The following CTDSP1 variants were observed in gnomAD, a reference collection of about 807,000 sequenced individuals.
The protein encoded by CTDSP1 is carboxy-terminal domain RNA polymerase II polypeptide A small phosphatase 1.
In CTDSP1, 15 loss-of-function variants were observed where a neutral mutation model predicts 32.5. That is an observed-to-expected ratio of 0.46 (90% confidence interval 0.31 to 0.71). The LOEUF (loss-of-function observed/expected upper bound fraction) is 0.71, where lower values mean the gene tolerates loss of function less well. Among genes scored for constraint, CTDSP1 ranks in the 30% least tolerant of loss-of-function variants. The pLI, the probability that CTDSP1 is intolerant of heterozygous loss-of-function variation, is 0.05. For missense variants in CTDSP1, 294 were observed against 351.1 expected, an observed-to-expected ratio of 0.84 and a Z score of 1.30; for synonymous variants, 185 against 145.4, an observed-to-expected ratio of 1.27 and a Z score of -1.96.
In CTDSP1 at chr2:218,401,594, C is replaced by T; in HGVS notation, c.98C>T (p.Pro33Leu). 1 of 1,613,922 alleles carries T rather than the reference C, an allele frequency of 6.2e-7. No individual in the cohort carries two copies. The highest frequency in any genetic ancestry group is 8.5e-7 in the Non-Finnish European group (1 of 1,179,944). The change falls in exon 2 of 7, where the codon CCC (proline) becomes CTC (leucine). Residue 33 changes from proline (P) to leucine (L), a missense_variant. By Grantham distance (98) the Pro-to-Leu change is moderately conservative (BLOSUM62 -3). Coordinates refer to ENST00000273062, the MANE Select transcript of CTDSP1 (RefSeq NM_021198.3). ...GDQKSAASQK[P>L]RSRGILHSLF... is the part of the protein sequence containing the mutation. ...CAGAAGTCAGCAGCTTCCCAGAAGC[C>T]CCGAAGCCGGGGCATCCTCCACTCA...
At chr2:218,398,349 G>A (rs1042947042), upstream of CTDSP1, 52 of 1,434,782 alleles carry the variant, frequency 3.6e-5, no homozygotes, top group Admixed American at 9.8e-5. Flanking sequence ...GAGATTAGGG[G>A]GCGCAGCCAG....
At position 218,403,210 on chromosome 2, in the gene CTDSP1, A is replaced by G. The variant is rs772562703; in HGVS notation, c.472-22A>G. ...GCCCAATGAACCTGCGGGCCCCAGG[A>G]TGACCCACCTCCTGCTCCCAGTACG... On this transcript the variant is annotated intron_variant, in intron 5 of 6. Transcript: ENST00000273062. 8.1e-6 allele frequency: 13 copies of G among 1,611,394 alleles called. No homozygotes were observed. The South Asian group carries it at 1.4e-4, about 18-fold the overall frequency.
At position 218,404,832 on chromosome 2, in the gene CTDSP1, A is replaced by G. The variant is rs146891368; in HGVS notation, c.*407A>G. ...ACGGTGGACATCAAGTGCCTTGCAT[A>G]GAGCCCCCTCTTCCCCGCCCAGCTT... On this transcript the variant is annotated 3_prime_UTR_variant, in exon 7 of 7. Transcript: ENST00000273062. 554 of 167,778 alleles carry G rather than the reference A, an allele frequency of 3.3e-3. 2 individuals are homozygous for G. Among genetic ancestry groups the G allele is most frequent in the African/African-American group, 0.012 (489 of 42,000 alleles). The allele number at this position is 167,778 out of a possible 1,614,324, so 10.4% of individuals were successfully genotyped here. A position where few individuals can be genotyped will look rare whatever the true frequency, so the allele number is the denominator to read the frequency against.
upstream of CTDSP1, chr2:218,398,955 A>C (rs2106349623): frequency 6.6e-6 from 1 of 152,290 alleles, no homozygotes; most frequent in Non-Finnish European, 1.5e-5. Context: ...CTCTGGTTTG[A>C]GGTCCCCCAC....
chr2:218,400,045 G>A lies in CTDSP1; in HGVS notation c.-46G>A. On this transcript the variant is annotated 5_prime_UTR_variant, in exon 1 of 7. Coordinates refer to ENST00000273062, the MANE Select transcript of CTDSP1 (RefSeq NM_021198.3). ...TCCGGCCCCAGCCGGGGGGGAGGCCGGGCGCCCGGGCCAGAGTCCGGCCGG... is the reference window on the plus strand; with the variant it reads ...TCCGGCCCCAGCCGGGGGGGAGGCCAGGCGCCCGGGCCAGAGTCCGGCCGG... 8.0e-7 allele frequency: 1 copy of A among 1,248,990 alleles called. No homozygotes were observed. Among genetic ancestry groups the A allele is most frequent in the South Asian group, 1.9e-5 (1 of 52,832 alleles). The allele number at this position is 1,248,990 out of a possible 1,614,324, so 77.4% of individuals were successfully genotyped here.
At chr2:218,403,586 C>CTG (rs1328999230) in intron 6 of CTDSP1, 169 bp downstream of exon 6, 1 of 607,314 alleles carries the variant, frequency 1.6e-6, no homozygotes, top group African/African-American at 1.9e-5. Context: ...TCCACCTGCC[C>CTG]TGTAGCCATA....
chr2:218,396,422 C>A (rs1323972138), upstream of CTDSP1: 1 of 152,448 alleles, frequency 6.6e-6, no homozygotes, highest in Non-Finnish European at 1.5e-5. Flanking sequence ...ACAGGCCTTT[C>A]CCTAGAGTTG....
chr2:218,403,276 C>G lies in CTDSP1; in HGVS notation c.516C>G (p.Phe172Leu). ...ACCTGCTGGACAAATGGGGGGCCTTCCGGGCCCGGCTGTTTCGAGAGTCCT... is the reference window on the plus strand; with the variant it reads ...ACCTGCTGGACAAATGGGGGGCCTTGCGGGCCCGGCTGTTTCGAGAGTCCT... ...VADLLDKWGA[F>L]RARLFRESCV... The change falls in exon 6 of 7, where the codon TTC becomes TTG. Residue 172 changes from phenylalanine (F) to leucine (L), a missense_variant. By Grantham distance (22) the Phe-to-Leu change is conservative. Coordinates refer to ENST00000273062, the MANE Select transcript of CTDSP1 (RefSeq NM_021198.3). 1 of 1,613,858 alleles carries G rather than the reference C, an allele frequency of 6.2e-7. No individual in the cohort carries two copies. The highest frequency in any genetic ancestry group is 8.5e-7 in the Non-Finnish European group (1 of 1,179,838).
chr2:218,403,990 G>A (rs1375398732), intron 6 of CTDSP1, among the ~76,000 whole-genome samples: 1 of 152,172 alleles, frequency 6.6e-6, no homozygotes, highest in Non-Finnish European at 1.5e-5. Context: ...AGCCCTGGAG[G>A]CAGAGGCTGT....
In CTDSP1 at chr2:218,402,379, G is replaced by A. The variant is rs779217801; in HGVS notation, c.352G>A (p.Val118Met). The stretch of plus-strand genomic sequence containing the variant: ...GAACAACGCGGACTTCATCATCCCT[G>A]TGGAGATTGATGGGGTGGTCCACCA... ...PVNNADFIIP[V>M]EIDGVVHQVY... The change falls in exon 4 of 7, where the codon GTG becomes ATG. Residue 118 changes from valine (V) to methionine (M), a missense_variant. Transcript: ENST00000273062. 6.2e-7 allele frequency: 1 copy of A among 1,612,406 alleles called. No homozygotes were observed. Among genetic ancestry groups the A allele is most frequent in the East Asian group, 2.2e-5 (1 of 44,886 alleles).
intron 1 of CTDSP1, 168 bp downstream of exon 1, chr2:218,400,325 G>A (rs1327280108): frequency 1.4e-6 from 1 of 738,916 alleles, no homozygotes; most frequent in Non-Finnish European, 2.3e-6. Flanking sequence ...CTCAGAGGAG[G>A]CTCAGAGACG....
intron 4 of CTDSP1, chr2:218,402,785 C>T: frequency 2.8e-6 from 2 of 712,796 alleles, no homozygotes; most frequent in South Asian, 1.5e-5. Flanking sequence ...GAGGTTGAGG[C>T]AGGGGAAGGG....
At chr2:218,402,006 C>T (rs1697169309) in intron 2 of CTDSP1, 105 bp from the exon 3 acceptor site, 11 of 822,656 alleles carry the variant, frequency 1.3e-5, no homozygotes, top group Non-Finnish European at 2.2e-5. Flanking sequence ...GTATCTGTTC[C>T]TGGGGCCTGG....
chr2:218,401,904 T>C (rs1372062330), intron 2 of CTDSP1, among the ~76,000 whole-genome samples, 192 bp downstream of exon 2: 1 of 152,140 alleles, frequency 6.6e-6, no homozygotes, highest in Non-Finnish European at 1.5e-5. Flanking sequence ...AAGTGGAAGC[T>C]TTTTCCTACC....
chr2:218,403,320 A>G lies in CTDSP1; in HGVS notation c.560A>G (p.Asn187Ser), dbSNP rs1265619079. The change falls in exon 6 of 7, where the codon AAC (asparagine) becomes AGC (serine). Residue 187 changes from asparagine (N) to serine (S), a missense_variant. Asn to Ser is a conservative substitution (Grantham distance 46). Around this residue, in one of 2 missense-constraint regions of CTDSP1, gnomAD observed 146 missense variants for 237.7 expected, o/e 0.61. Transcript: ENST00000273062. ...GAGTCCTGCGTCTTCCACCGGGGGA[A>G]CTACGTGAAGGACCTGAGCCGGTTG... ...FRESCVFHRG[N>S]YVKDLSRLGR... The G allele has an allele frequency of 5.6e-6, 9 of 1,614,176 alleles. No individual in the cohort carries two copies. Among genetic ancestry groups the G allele is most frequent in the Non-Finnish European group, 6.8e-6 (8 of 1,180,018 alleles).
chr2:218,397,243 G>A (rs973486805), upstream of CTDSP1, among the ~76,000 whole-genome samples: 4 of 152,192 alleles, frequency 2.6e-5, no homozygotes, highest in Non-Finnish European at 5.9e-5. Flanking sequence ...ATGAGGTCGC[G>A]CCAAGGTCAG....
Position 218,403,374 on chromosome 2 carries a change from T to G in CTDSP1, c.614T>G (p.Leu205Arg). 6.2e-7 allele frequency: 1 copy of G among 1,612,004 alleles called. No homozygotes were observed. The highest frequency in any genetic ancestry group is 8.5e-7 in the Non-Finnish European group (1 of 1,179,094). The change falls in exon 6 of 7, where the codon CTG becomes CGG. Residue 205 changes from leucine (L) to arginine (R), a missense_variant. Coordinates refer to ENST00000273062, the MANE Select transcript of CTDSP1 (RefSeq NM_021198.3). ...CGAGACCTGCGGCGGGTGCTCATCC[T>G]GGACAATTCACCTGCCTCCTATGTC... ...LGRDLRRVLI[L>R]DNSPASYVFH...
chr2:218,400,001 C>G lies in CTDSP1; in HGVS notation c.-90C>G. On this transcript the variant is annotated 5_prime_UTR_variant, in exon 1 of 7. Transcript: ENST00000273062. ...GGGATCCCTCCCTCCCACCCCTCCC[C>G]TCCCCCCCGCGCCCCGATTCCGGCC... 1 of 1,286,116 alleles carries G rather than the reference C, an allele frequency of 7.8e-7. No homozygotes were observed. Among genetic ancestry groups the G allele is most frequent in the Non-Finnish European group, 9.9e-7 (1 of 1,005,822 alleles). 79.7% of individuals were successfully genotyped at this position (1,286,116 alleles called of 1,614,324 possible). A position where few individuals can be genotyped will look rare whatever the true frequency, so the allele number is the denominator to read the frequency against.
chr2:218,402,959 C>T, intron 4 of CTDSP1, 76 bp from the exon 5 acceptor site: 1 of 1,099,882 alleles, frequency 9.1e-7, no homozygotes, highest in Non-Finnish European at 1.4e-6. Flanking sequence ...GCCTCCCTGG[C>T]CCATGCCCTG....
Sources: allele counts gnomAD v4.1 joint callset (sites outside exome capture counted in the v4.1 genomes callset), GRCh38; gene constraint gnomAD v4.1.1; regional missense constraint gnomAD v4.1.1; transcripts MANE v1.5; gene names NCBI Gene and HGNC (gene_info 2026-07-23, HGNC 2026-07-21).